TRHDE: variants seen among roughly 807,000 people sequenced by gnomAD.
TRHDE encodes the protein thyrotropin releasing hormone degrading enzyme.
TRHDE carries 72 observed loss-of-function variants against 125.7 expected under a neutral mutation model. The ratio of observed to expected loss-of-function variants is 0.57; its 90% CI spans 0.47 to 0.70. The LOEUF (loss-of-function observed/expected upper bound fraction) is 0.70, where lower values mean the gene tolerates loss of function less well. Ranked by LOEUF, TRHDE falls within the 30% of genes least tolerant of loss-of-function variation. The probability of loss-of-function intolerance (pLI) is 0.00; values close to 1 mark genes in which losing one functional copy is unlikely to be tolerated. For synonymous variants in TRHDE, 509 were observed against 509.1 expected (o/e 1.00, Z 0.00); for missense variants, 1,110 against 1,327.1 (o/e 0.84, Z 2.54).
At chr12:72,240,414 G>T (rs1878454057) in intron 2 of TRHDE, among the ~76,000 whole-genome samples, 1 of 149,838 alleles carries the variant, frequency 6.7e-6, no homozygotes, top group Admixed American at 6.7e-5. Flanking sequence ...TTCTGTTTTT[G>T]TAACTCACCA....
intron 12 of TRHDE, among the ~76,000 whole-genome samples, chr12:72,617,915 T>C (rs1872887835): frequency 6.6e-6 from 1 of 152,072 alleles, no homozygotes; most frequent in East Asian, 1.9e-4. Context: ...CTGAATAGAG[T>C]CACAATGGAT....
At chr12:72,479,937 T>C (rs1375763223) in intron 5 of TRHDE, among the ~76,000 whole-genome samples, 2 of 151,902 alleles carry the variant, frequency 1.3e-5, no homozygotes, top group African/African-American at 4.8e-5. Context: ...CTTGCAGTAG[T>C]TTACTGAGAA....
chr12:72,578,322 G>C (rs539516197), intron 12 of TRHDE, among the ~76,000 whole-genome samples: 1 of 152,142 alleles, frequency 6.6e-6, no homozygotes, highest in African/African-American at 2.4e-5. Flanking sequence ...TGGAGCAGGG[G>C]TGGAGGAAGT....
chr12:72,278,031 CT>C (rs1330148257), intron 1 of TRHDE, among the ~76,000 whole-genome samples: 1 of 152,072 alleles, frequency 6.6e-6, no homozygotes, highest in Non-Finnish European at 1.5e-5. Flanking sequence ...CAATAAGTCC[CT>C]TGAACTTATT....
chr12:72,353,438 T>TAA (rs543169354), intron 2 of TRHDE, among the ~76,000 whole-genome samples: 87 of 151,658 alleles, frequency 5.7e-4, no homozygotes, highest in Admixed American at 1.6e-3. Flanking sequence ...AAAATAAAAG[T>TAA]AAAAAATATA....
intron 12 of TRHDE, among the ~76,000 whole-genome samples, chr12:72,597,709 GTATGTATATATATATATA>G (rs1172260531): frequency 0.059 from 3,344 of 56,906 alleles, 219 homozygotes; most frequent in East Asian, 0.17. Context: ...ATGTGTGTGT[GTATGTATATATATATATA>G]TATATATATA....
chr12:72,133,046 C>A (rs1425910668), intron 2 of TRHDE, among the ~76,000 whole-genome samples: 1 of 152,094 alleles, frequency 6.6e-6, no homozygotes, highest in African/African-American at 2.4e-5. Context: ...GATGAGTCTG[C>A]AGAATCGGTG....
At chr12:72,626,405 T>C (rs950408936) in intron 15 of TRHDE, among the ~76,000 whole-genome samples, 1 of 151,832 alleles carries the variant, frequency 6.6e-6, no homozygotes, top group Non-Finnish European at 1.5e-5. Flanking sequence ...GGGTAGTGGG[T>C]CGTGTGAATT....
rs147040004 is a variant in TRHDE, at chr12:72,165,898, A to T, written n.279+60146A>T. Among the ~76,000 whole-genome samples, 847 of 152,068 alleles carry T rather than the reference A, an allele frequency of 5.6e-3. 4 individuals are homozygous for T. The highest frequency in any genetic ancestry group is 9.0e-3 in the Non-Finnish European group (613 of 67,984). ...CACCGTTTTAGCCAGGATGCTCTTG[A>T]TCTCCTGACCTCATGATCTGCCCGC... On this transcript the variant is annotated intron_variant and non_coding_transcript_variant, in intron 2 of 4. Transcript: ENST00000548156.
chr12:72,202,983 A>G (rs954195560), intron 2 of TRHDE, among the ~76,000 whole-genome samples: 1 of 151,930 alleles, frequency 6.6e-6, no homozygotes, highest in Non-Finnish European at 1.5e-5. Flanking sequence ...CATATTTTAT[A>G]TGTTTTAAAA....
intron 2 of TRHDE, among the ~76,000 whole-genome samples, chr12:72,118,965 A>C (rs1400246909): frequency 1.3e-5 from 2 of 150,332 alleles, no homozygotes; most frequent in Admixed American, 6.6e-5. Flanking sequence ...AGGTTTGTTG[A>C]TTTTGTTTAT....
intron 3 of TRHDE, among the ~76,000 whole-genome samples, chr12:72,381,715 C>T (rs747965918): frequency 6.6e-6 from 1 of 152,070 alleles, no homozygotes; most frequent in African/African-American, 2.4e-5. Flanking sequence ...TAATAGTGAA[C>T]GAAATATGTG....
chr12:72,249,696 G>A (rs1325547119), intron 2 of TRHDE, among the ~76,000 whole-genome samples: 1 of 152,082 alleles, frequency 6.6e-6, no homozygotes, highest in Non-Finnish European at 1.5e-5. Flanking sequence ...TGTTGTTGAT[G>A]GGAATGTAAA....
intron 2 of TRHDE, among the ~76,000 whole-genome samples, chr12:72,228,584 G>T (rs1878184149): frequency 6.6e-6 from 1 of 152,158 alleles, no homozygotes; most frequent in Non-Finnish European, 1.5e-5. Context: ...TTTACAGCTG[G>T]CTTGAATTTC....
At chr12:72,411,817 A>G (rs995570235) in intron 3 of TRHDE, among the ~76,000 whole-genome samples, 2 of 152,204 alleles carry the variant, frequency 1.3e-5, no homozygotes, top group African/African-American at 4.8e-5. Context: ...AAGCCCAAGA[A>G]GAAACCCACT....
intron 2 of TRHDE, among the ~76,000 whole-genome samples, chr12:72,215,780 G>A (rs1877876655): frequency 6.6e-6 from 1 of 152,168 alleles, no homozygotes; most frequent in Non-Finnish European, 1.5e-5. Flanking sequence ...AGTGACACCT[G>A]AATTCCTGGG....
chr12:72,562,915 G>A lies in TRHDE; in HGVS notation c.1917G>A (p.Gln639=). 6.2e-7 allele frequency: 1 copy of A among 1,610,640 alleles called. No individual in the cohort carries two copies. The change falls in exon 9 of 19, where the codon CAG becomes CAA. Residue 639 remains glutamine (Q), a synonymous_variant. Transcript: ENST00000261180. ...AAGTAATGGATCAGTGGACACTCCA[G>A]ATGGGTTATCCTGTTATCACCATCT... ...IQEVMDQWTL[Q]MGYPVITILG... is the part of the protein sequence containing the mutation.
At chr12:72,203,923 G>A (rs931236835) in intron 2 of TRHDE, among the ~76,000 whole-genome samples, 1 of 152,000 alleles carries the variant, frequency 6.6e-6, no homozygotes, top group Admixed American at 6.5e-5. Flanking sequence ...ACCCATCCCC[G>A]CTTTCCCAAT....
At chr12:72,483,021 T>C (rs1447357181) in intron 5 of TRHDE, among the ~76,000 whole-genome samples, 1 of 151,988 alleles carries the variant, frequency 6.6e-6, no homozygotes, top group Non-Finnish European at 1.5e-5. Flanking sequence ...TTGCTAAGTA[T>C]TTTGCTGGCA....
Sources: gnomAD v4.1 joint callset for allele counts (sites outside exome capture counted in the v4.1 genomes callset) on GRCh38, gnomAD v4.1.1 for gene constraint, MANE v1.5 for transcripts, NCBI Gene and HGNC (gene_info 2026-07-23, HGNC 2026-07-21) for gene names.